The following LRFN5 variants were observed in gnomAD, a reference collection of about 807,000 sequenced individuals.
The protein encoded by LRFN5 is leucine-rich repeat and fibronectin type-III domain-containing protein 5.
A neutral mutation model predicts 45.6 loss-of-function variants in LRFN5; 24 were observed. The observed-to-expected ratio is 0.53, with a 90% confidence interval of 0.38 to 0.74. LRFN5 has a LOEUF of 0.74. Ranked by LOEUF, LRFN5 falls within the 30% of genes least tolerant of loss-of-function variation. The pLI, the probability that LRFN5 is intolerant of heterozygous loss-of-function variation, is 0.00. For synonymous variants in LRFN5, 340 were observed against 313.8 expected (o/e 1.08, Z -0.88); for missense variants, 776 against 861.5 (o/e 0.90, Z 1.24).
intron 1 of LRFN5, chr14:41,742,524 A>G (rs1457583438): frequency 6.6e-6 from 1 of 152,210 alleles, no homozygotes; most frequent in Non-Finnish European, 1.5e-5. Context: ...CTTAGGTCCC[A>G]ACTTCAGCTG....
chr14:41,674,965 G>T (rs534221958), intron 1 of LRFN5, among the ~76,000 whole-genome samples: 1 of 152,032 alleles, frequency 6.6e-6, no homozygotes, highest in South Asian at 2.1e-4. Context: ...ATCCCAGACG[G>T]GGCGGCAGGG....
At chr14:41,788,882 T>G (rs528805267) in intron 2 of LRFN5, among the ~76,000 whole-genome samples, 1 of 152,192 alleles carries the variant, frequency 6.6e-6, no homozygotes, top group Non-Finnish European at 1.5e-5. Flanking sequence ...GTTAATATAC[T>G]TCTGTTTGTT....
intron 2 of LRFN5, among the ~76,000 whole-genome samples, chr14:41,853,387 A>G (rs1265057169): frequency 6.6e-6 from 1 of 151,976 alleles, no homozygotes; most frequent in Non-Finnish European, 1.5e-5. Flanking sequence ...GTCTTGGTCT[A>G]GGGAACTGAC....
intron 2 of LRFN5, among the ~76,000 whole-genome samples, chr14:41,855,059 T>C (rs1197624072): frequency 1.3e-5 from 2 of 151,896 alleles, no homozygotes; most frequent in Non-Finnish European, 2.9e-5. Context: ...TCTTAAAAGG[T>C]TTCATGGAGG....
chr14:41,759,927 T>C (rs1885587480), intron 1 of LRFN5, among the ~76,000 whole-genome samples: 1 of 152,220 alleles, frequency 6.6e-6, no homozygotes, highest in African/African-American at 2.4e-5. Context: ...CGCTATTATG[T>C]AAATTTTCAT....
intron 2 of LRFN5, among the ~76,000 whole-genome samples, chr14:41,804,927 G>A (rs748607472): frequency 6.6e-6 from 1 of 151,558 alleles, no homozygotes; most frequent in Admixed American, 6.6e-5. Context: ...TTTTTGAAAT[G>A]TCAGCTCATT....
intron 1 of LRFN5, among the ~76,000 whole-genome samples, chr14:41,685,348 C>G (rs1286613024): frequency 6.6e-6 from 1 of 152,028 alleles, no homozygotes; most frequent in Admixed American, 6.6e-5. Context: ...ACCTGTACCC[C>G]CATATTTATT....
intron 2 of LRFN5, among the ~76,000 whole-genome samples, chr14:41,779,848 T>C (rs888442162): frequency 1.3e-5 from 2 of 151,964 alleles, no homozygotes; most frequent in Non-Finnish European, 2.9e-5. Context: ...GTAATTTGTG[T>C]CTTATCTCCT....
intron 2 of LRFN5, among the ~76,000 whole-genome samples, chr14:41,832,056 A>T (rs1172291958): frequency 6.6e-6 from 1 of 152,010 alleles, no homozygotes; most frequent in Non-Finnish European, 1.5e-5. Flanking sequence ...ATCAAACTCT[A>T]ATTACCTCTC....
chr14:41,897,189 G>T (rs1890969524), intron 4 of LRFN5, among the ~76,000 whole-genome samples: 2 of 151,594 alleles, frequency 1.3e-5, no homozygotes, highest in South Asian at 4.1e-4. Flanking sequence ...TAAAAATGTG[G>T]TGTTATCTTG....
Position 41,891,596 on chromosome 14 carries a change from AT to A in LRFN5, c.1733del (p.Ile578AsnfsTer6). ...TTATTCCCAAACTAACGGGGCTCAA[AT>A]ACAAGGCTGTAGTGTAACGCTGCCC... ...NVYSQTNGAQ[I>X]QGCSVTLPQS... is the part of the protein sequence containing the mutation. On this transcript the variant is annotated frameshift_variant, in exon 4 of 6. Transcript: ENST00000298119. LOFTEE classifies it high-confidence loss of function. 6.2e-7 allele frequency: 1 copy of A among 1,614,206 alleles called. No individual in the cohort carries two copies. The highest frequency in any genetic ancestry group is 8.5e-7 in the Non-Finnish European group (1 of 1,180,048).
At chr14:41,832,562 A>T (rs1888522116) in intron 2 of LRFN5, among the ~76,000 whole-genome samples, 1 of 152,192 alleles carries the variant, frequency 6.6e-6, no homozygotes, top group African/African-American at 2.4e-5. Context: ...CTAGAGGGTC[A>T]TTAGGGGTAA....
At chr14:41,901,230 G>C (rs774891349) in intron 5 of LRFN5, among the ~76,000 whole-genome samples, 3 of 152,028 alleles carry the variant, frequency 2.0e-5, no homozygotes, top group African/African-American at 7.2e-5. Flanking sequence ...ATAACTCTAC[G>C]TGGAAATTGA....
chr14:41,885,916 C>A (rs1302539676), intron 2 of LRFN5, among the ~76,000 whole-genome samples: 1 of 148,764 alleles, frequency 6.7e-6, no homozygotes, highest in African/African-American at 2.5e-5. Context: ...CTCAGGGAGG[C>A]CAAATGGTCA....
intron 2 of LRFN5, among the ~76,000 whole-genome samples, chr14:41,846,793 C>T (rs1160877555): frequency 1.3e-5 from 2 of 152,096 alleles, no homozygotes; most frequent in Non-Finnish European, 2.9e-5. Flanking sequence ...TAAGAATCAA[C>T]TTATTGAGGT....
intron 1 of LRFN5, among the ~76,000 whole-genome samples, chr14:41,728,974 A>G (rs923848628): frequency 3.3e-5 from 5 of 152,058 alleles, no homozygotes; most frequent in African/African-American, 1.2e-4. Context: ...TACATGAACT[A>G]TTTATTCACA....
At chr14:41,830,812 T>C (rs981113945) in intron 2 of LRFN5, among the ~76,000 whole-genome samples, 7 of 152,140 alleles carry the variant, frequency 4.6e-5, no homozygotes, top group African/African-American at 1.7e-4. Flanking sequence ...GTGTCAGCAG[T>C]TGGAAAGAAC....
At chr14:41,897,024 G>T (rs944524597) in intron 4 of LRFN5, among the ~76,000 whole-genome samples, 13 of 151,620 alleles carry the variant, frequency 8.6e-5, no homozygotes, top group African/African-American at 2.9e-4. Flanking sequence ...CCCTGGAGTC[G>T]GAGGTTGCAG....
chr14:41,775,865 A>T lies in LRFN5; in HGVS notation c.-21+8836A>T, dbSNP rs185208183. The stretch of plus-strand genomic sequence containing the variant: ...TGAAGCATTTTTCAACATTTCTTAT[A>T]TGCATCCTGCAATAAAACAGCAGGT... On this transcript the variant is annotated intron_variant, in intron 2 of 5. Transcript: ENST00000298119. Among the ~76,000 whole-genome samples the T allele has an allele frequency of 4.4e-3, 665 of 152,332 alleles. 7 individuals carry two copies. The highest frequency in any genetic ancestry group is 0.017 in the Admixed American group (257 of 15,308).
Sources: gnomAD v4.1 joint callset for allele counts (sites outside exome capture counted in the v4.1 genomes callset) on GRCh38, gnomAD v4.1.1 for gene constraint, MANE v1.5 for transcripts, NCBI Gene and HGNC (gene_info 2026-07-23, HGNC 2026-07-21) for gene names.